Variants in L2HGDH observed in about 807,000 individuals in gnomAD.
L2HGDH encodes the protein L-2-hydroxyglutarate dehydrogenase.
L2HGDH carries 34 observed loss-of-function variants against 51.5 expected under a neutral mutation model. The ratio of observed to expected loss-of-function variants is 0.66; its 90% CI spans 0.50 to 0.88. L2HGDH has a LOEUF of 0.88. Among genes scored for constraint, L2HGDH ranks in the 40% least tolerant of loss-of-function variants. The probability of loss-of-function intolerance (pLI) is 0.00; values close to 1 mark genes in which losing one functional copy is unlikely to be tolerated. For missense variants in L2HGDH, 558 were observed against 571.9 expected, an observed-to-expected ratio of 0.98 and a Z score of 0.25; for synonymous variants, 198 against 197.9, an observed-to-expected ratio of 1.00 and a Z score of -0.01.
Position 50,244,984 on chromosome 14 carries a change from T to C in L2HGDH, c.*2074A>G. On this transcript the variant is annotated 3_prime_UTR_variant, in exon 10 of 10. Transcript: ENST00000267436. Reference sequence around the variant, plus strand: ...CCACATTTTCATTTACAATTTCTATTTTCTAACTTTCTAAATTATAAGAAT... The same window carrying C: ...CCACATTTTCATTTACAATTTCTATCTTCTAACTTTCTAAATTATAAGAAT... The C allele has an allele frequency of 1.0e-6, 1 of 985,318 alleles. No individual in the cohort carries two copies. Among genetic ancestry groups the C allele is most frequent in the Non-Finnish European group, 1.2e-6 (1 of 829,676 alleles). 61.0% of individuals were successfully genotyped at this position (985,318 alleles called of 1,614,324 possible). A position where few individuals can be genotyped will look rare whatever the true frequency, so the allele number is the denominator to read the frequency against.
intron 6 of L2HGDH, 73 bp from the exon 7 acceptor site, chr14:50,269,403 T>TAGAAA (rs1889538829): frequency 1.4e-6 from 2 of 1,407,252 alleles, no homozygotes; most frequent in Non-Finnish European, 2.0e-6. Context: ...AAACAGGTGA[T>TAGAAA]AGAAAAGAAA....
chr14:50,303,810 TAA>T (rs5808550), intron 1 of L2HGDH, among the ~76,000 whole-genome samples: 4 of 113,962 alleles, frequency 3.5e-5, no homozygotes, highest in Admixed American at 1.1e-4. Flanking sequence ...TTAGACGCAT[TAA>T]AAAAAAAAAA....
At chr14:50,306,448 G>A (rs552865000) in intron 1 of L2HGDH, among the ~76,000 whole-genome samples, 1 of 152,182 alleles carries the variant, frequency 6.6e-6, no homozygotes, top group East Asian at 1.9e-4. Context: ...TTACTTTCAA[G>A]TTCAACTATG....
intron 4 of L2HGDH, 41 bp from the exon 5 acceptor site, chr14:50,284,074 A>C (rs759068174): frequency 1.3e-6 from 2 of 1,570,410 alleles, no homozygotes; most frequent in African/African-American, 2.7e-5. Context: ...AAGAGAAATA[A>C]TACTTGCTAA....
chr14:50,282,636 C>T (rs1394582484), intron 5 of L2HGDH: 4 of 391,196 alleles, frequency 1.0e-5, no homozygotes, highest in Admixed American at 3.2e-5. Context: ...TTCTTACTCT[C>T]TCTGTGCCTG....
At chr14:50,290,947 C>T (rs888420730) in intron 4 of L2HGDH, among the ~76,000 whole-genome samples, 18 of 152,016 alleles carry the variant, frequency 1.2e-4, no homozygotes, top group African/African-American at 4.4e-4. Flanking sequence ...CGCCTATAAT[C>T]CCAGCACTTT....
intron 3 of L2HGDH, among the ~76,000 whole-genome samples, chr14:50,297,200 CAAG>C (rs1566535883): frequency 1.3e-5 from 2 of 152,140 alleles, no homozygotes; most frequent in African/African-American, 2.4e-5. Context: ...AAGAACAATT[CAAG>C]AAGGTCCACT....
chr14:50,292,537 T>C (rs2139188717), intron 4 of L2HGDH, among the ~76,000 whole-genome samples: 1 of 152,086 alleles, frequency 6.6e-6, no homozygotes, highest in East Asian at 1.9e-4. Flanking sequence ...AGAAACCCTG[T>C]CTATACGAAA....
In L2HGDH at chr14:50,291,197, C is replaced by CAAAAA. The variant is rs1159640500; in HGVS notation, c.540+2913_540+2917dup. On this transcript the variant is annotated intron_variant, in intron 4 of 9. Transcript: ENST00000267436. ...TGGGGGACAGACTGAGACTCCGTCT[C>CAAAAA]AAAAAAAAAAAAAAAAAAAAAAAAA... Among the ~76,000 whole-genome samples, 37 of 30,618 alleles carry CAAAAA rather than the reference C, an allele frequency of 1.2e-3. 1 individual carries two copies. The highest frequency in any genetic ancestry group is 1.5e-3 in the Admixed American group (3 of 2,068). 20.1% of individuals were successfully genotyped at this position (30,618 alleles called of 152,430 possible).
At chr14:50,303,325 G>A (rs112503230) in intron 1 of L2HGDH, among the ~76,000 whole-genome samples, 3,966 of 152,072 alleles carry the variant, frequency 0.026, 68 homozygotes, top group Non-Finnish European at 0.03. Context: ...GGGAGGCTGA[G>A]GCAGAAGAAT....
chr14:50,304,143 G>C (rs1358990627), intron 1 of L2HGDH, among the ~76,000 whole-genome samples: 1 of 152,180 alleles, frequency 6.6e-6, no homozygotes, highest in Non-Finnish European at 1.5e-5. Flanking sequence ...TTACTATATT[G>C]AATACTGCAG....
Position 50,312,024 on chromosome 14 carries a change from T to C in L2HGDH, c.127A>G (p.Ser43Gly). 3 of 1,570,666 alleles carry C rather than the reference T, an allele frequency of 1.9e-6. No homozygotes were observed. Among genetic ancestry groups the C allele is most frequent in the Non-Finnish European group, 2.6e-6 (3 of 1,160,474 alleles). The change falls in exon 1 of 10, where the codon AGC (serine) becomes GGC (glycine). Residue 43 changes from serine to glycine, a missense_variant. Physicochemically the swap from Ser to Gly is moderately conservative, Grantham distance 56. Transcript: ENST00000267436. ...GCGGCCACTCACCTGGTGCTGGCGC[T>C]GCGGCTACCTCCACACAGCGGTCTT... ...RPRPLCGGSR[S>G]ASTSSFDIVI...
Position 50,304,950 on chromosome 14 carries a change from T to C in L2HGDH, c.141-1933A>G, listed in dbSNP as rs139240889. Among the ~76,000 whole-genome samples, 64 of 152,332 alleles carry C rather than the reference T, an allele frequency of 4.2e-4. 1 individual carries two copies. Among genetic ancestry groups the C allele is most frequent in the African/African-American group, 1.5e-3 (61 of 41,570 alleles). On this transcript the variant is annotated intron_variant, in intron 1 of 9. Coordinates refer to ENST00000267436, the MANE Select transcript of L2HGDH (RefSeq NM_024884.3). Reference sequence around the variant, plus strand: ...ACAAATATGGATCTTATAGGAACTGTAGACAGAGGGAAATTTCAGAGATTA... The same window carrying C: ...ACAAATATGGATCTTATAGGAACTGCAGACAGAGGGAAATTTCAGAGATTA...
At chr14:50,265,259 C>T (rs1256627309) in intron 9 of L2HGDH, 99 bp downstream of exon 9, 1 of 1,031,634 alleles carries the variant, frequency 9.7e-7, no homozygotes, top group Non-Finnish European at 1.5e-6. Context: ...CATATGCAGA[C>T]TGACTCTGAA....
chr14:50,262,362 G>A (rs1595079163), intron 9 of L2HGDH, among the ~76,000 whole-genome samples: 2 of 151,178 alleles, frequency 1.3e-5, no homozygotes, highest in South Asian at 2.1e-4. Flanking sequence ...CCAGGGAGTC[G>A]GAGGTTGTAG....
At chr14:50,261,455 T>G (rs1051495670) in intron 9 of L2HGDH, among the ~76,000 whole-genome samples, 22 of 152,318 alleles carry the variant, frequency 1.4e-4, no homozygotes, top group Admixed American at 1.4e-3. Flanking sequence ...CATGTCAAAA[T>G]TAATCACAGA....
intron 9 of L2HGDH, among the ~76,000 whole-genome samples, chr14:50,260,752 A>T (rs1888968996): frequency 6.6e-6 from 1 of 152,132 alleles, no homozygotes; most frequent in Non-Finnish European, 1.5e-5. Context: ...CCTACAGGAC[A>T]TCTGGCAATG....
rs1887865032 is a variant in L2HGDH at position 50,243,142 on chromosome 14, T to C, written c.*3916A>G. 4.1e-6 allele frequency: 4 copies of C among 985,408 alleles called. No homozygotes were observed. Among genetic ancestry groups the C allele is most frequent in the Non-Finnish European group, 4.8e-6 (4 of 829,936 alleles). The allele number at this position is 985,408 out of a possible 1,614,324, so 61.0% of individuals were successfully genotyped here. A position where few individuals can be genotyped will look rare whatever the true frequency, so the allele number is the denominator to read the frequency against. On this transcript the variant is annotated 3_prime_UTR_variant, in exon 10 of 10. Coordinates refer to ENST00000267436, the MANE Select transcript of L2HGDH (RefSeq NM_024884.3). ...ACAGTAAAGGCAACTCCCCAAACAG[T>C]GCTAATGCTGAGAGGATCAAGGGAA...
chr14:50,249,459 G>T (rs141146073), intron 9 of L2HGDH, among the ~76,000 whole-genome samples: 344 of 152,328 alleles, frequency 2.3e-3, no homozygotes, highest in African/African-American at 8.0e-3. Context: ...TTGGATTCCA[G>T]CTCAGCCACA....
Sources: gnomAD v4.1 joint callset for allele counts (sites outside exome capture counted in the v4.1 genomes callset) on GRCh38, gnomAD v4.1.1 for gene constraint, MANE v1.5 for transcripts, NCBI Gene and HGNC (gene_info 2026-07-23, HGNC 2026-07-21) for gene names.